EPM2A: variants seen among roughly 807,000 people sequenced by gnomAD.
EPM2A encodes EPM2A glucan phosphatase, laforin.
In EPM2A, 21 loss-of-function variants were observed where a neutral mutation model predicts 26.5. The ratio of observed to expected loss-of-function variants is 0.79; its 90% confidence interval spans 0.56 to 1.14. The LOEUF (loss-of-function observed/expected upper bound fraction) is 1.14, where lower values mean the gene tolerates loss of function less well. Among genes scored for constraint, EPM2A ranks in the 50% most tolerant of loss-of-function variants. The pLI is 0.00. For missense variants in EPM2A, 458 were observed against 440.8 expected, an observed-to-expected ratio of 1.04 and a Z score of -0.35; for synonymous variants, 217 against 177.6, an observed-to-expected ratio of 1.22 and a Z score of -1.76.
chr6:145,710,494 G>T (rs1775251842), intron 1 of EPM2A, among the ~76,000 whole-genome samples: 1 of 152,176 alleles, frequency 6.6e-6, no homozygotes, highest in Non-Finnish European at 1.5e-5. Flanking sequence ...AGGATGTAGA[G>T]AAATAGGAAC....
chr6:145,574,577 G>T (rs909642829), intron 2 of EPM2A, among the ~76,000 whole-genome samples: 1 of 152,154 alleles, frequency 6.6e-6, no homozygotes, highest in Non-Finnish European at 1.5e-5. Flanking sequence ...TTGGTCAAGG[G>T]TATATCTTCT....
intron 1 of EPM2A, among the ~76,000 whole-genome samples, chr6:145,687,348 C>G (rs1327754901): frequency 6.6e-6 from 1 of 151,648 alleles, no homozygotes; most frequent in Admixed American, 6.6e-5. Flanking sequence ...CAATCTTAGA[C>G]CCCCCAGCCT....
chr6:145,695,332 T>C (rs1351103820), intron 1 of EPM2A, among the ~76,000 whole-genome samples: 1 of 151,744 alleles, frequency 6.6e-6, no homozygotes, highest in Non-Finnish European at 1.5e-5. Flanking sequence ...TCAAGACATA[T>C]CACTACAGAA....
At chr6:145,544,270 CAA>C (rs769880573) in intron 2 of EPM2A, among the ~76,000 whole-genome samples, 2 of 152,146 alleles carry the variant, frequency 1.3e-5, no homozygotes, top group African/African-American at 2.4e-5. Context: ...TGGCAGAGGA[CAA>C]AGTCAGTGAA....
chr6:145,580,339 A>G (rs1781095241), intron 2 of EPM2A, among the ~76,000 whole-genome samples: 2 of 152,280 alleles, frequency 1.3e-5, no homozygotes, highest in South Asian at 4.1e-4. Flanking sequence ...TAAAATATTT[A>G]AAACCATAAA....
chr6:145,727,453 G>T (rs777507046), intron 1 of EPM2A, among the ~76,000 whole-genome samples: 21 of 152,076 alleles, frequency 1.4e-4, no homozygotes, highest in Non-Finnish European at 2.1e-4. Context: ...CAGTGTTGTT[G>T]TGAGGACAAA....
intron 2 of EPM2A, among the ~76,000 whole-genome samples, chr6:145,533,757 C>T (rs1780393850): frequency 6.6e-6 from 1 of 152,146 alleles, no homozygotes; most frequent in Non-Finnish European, 1.5e-5. Context: ...CTCCACCTCT[C>T]CCCCACCAAT....
At chr6:145,496,091 T>G (rs1779816752) in intron 4 of EPM2A, among the ~76,000 whole-genome samples, 2 of 152,238 alleles carry the variant, frequency 1.3e-5, no homozygotes, top group Non-Finnish European at 2.9e-5. Context: ...AAATTCTCAG[T>G]TGGTACTTCT....
chr6:145,627,059 G>T lies in EPM2A; in HGVS notation c.*357C>A. 8.5e-7 allele frequency: 1 copy of T among 1,177,554 alleles called. No homozygotes were observed. The highest frequency in any genetic ancestry group is 1.1e-6 in the Non-Finnish European group (1 of 943,960). The allele number at this position is 1,177,554 out of a possible 1,614,324, so 72.9% of individuals were successfully genotyped here. On this transcript the variant is annotated 3_prime_UTR_variant, in exon 4 of 4. Coordinates refer to ENST00000367519, the MANE Select transcript of EPM2A (RefSeq NM_005670.4). Reference sequence around the variant, plus strand: ...TTCCTCTACATGGCCAAGAGTTTCAGTGCAACAGGAAAGTGCTGTCACGGA... The same window carrying T: ...TTCCTCTACATGGCCAAGAGTTTCATTGCAACAGGAAAGTGCTGTCACGGA...
At chr6:145,604,003 T>C (rs1353737659) in intron 2 of EPM2A, among the ~76,000 whole-genome samples, 1 of 152,176 alleles carries the variant, frequency 6.6e-6, no homozygotes, top group Non-Finnish European at 1.5e-5. Flanking sequence ...TCTTAAACAA[T>C]TTAAATGAAA....
chr6:145,708,982 G>A (rs1378005674), intron 1 of EPM2A, among the ~76,000 whole-genome samples: 1 of 152,192 alleles, frequency 6.6e-6, no homozygotes. Flanking sequence ...TTTAATGACT[G>A]TCCTATTGGT....
chr6:145,660,831 A>C (rs1778647282), intron 2 of EPM2A, among the ~76,000 whole-genome samples: 1 of 152,182 alleles, frequency 6.6e-6, no homozygotes, highest in Non-Finnish European at 1.5e-5. Context: ...TTTTTTAAAA[A>C]ATTGCTGAAT....
intron 2 of EPM2A, among the ~76,000 whole-genome samples, chr6:145,554,619 G>A (rs759930773): frequency 1.4e-4 from 22 of 152,008 alleles, no homozygotes; most frequent in Non-Finnish European, 2.5e-4. Flanking sequence ...CCAATACAAA[G>A]CAGCCAGTTC....
At chr6:145,631,056 AC>A (rs1776215347) in intron 3 of EPM2A, 1 of 152,188 alleles carries the variant, frequency 6.6e-6, no homozygotes, top group Non-Finnish European at 1.5e-5. Flanking sequence ...GCACTCACTT[AC>A]CAGCCCATGC....
downstream of EPM2A, among the ~76,000 whole-genome samples, chr6:145,497,785 T>C (rs1779840057): frequency 1.3e-5 from 2 of 152,240 alleles, no homozygotes; most frequent in African/African-American, 4.8e-5. Context: ...TGAGGGGGAA[T>C]AGATCAGAGA....
At chr6:145,446,748 C>T (rs1321247486) in intron 4 of EPM2A, among the ~76,000 whole-genome samples, 1 of 151,970 alleles carries the variant, frequency 6.6e-6, no homozygotes, top group Non-Finnish European at 1.5e-5. Context: ...AATCGTCCCA[C>T]ACATGCATAA....
chr6:145,577,700 C>A (rs995224570), intron 2 of EPM2A, among the ~76,000 whole-genome samples: 1 of 151,886 alleles, frequency 6.6e-6, no homozygotes, highest in Non-Finnish European at 1.5e-5. Context: ...GCCAAGTGGA[C>A]CTAAAAGACA....
intron 2 of EPM2A, among the ~76,000 whole-genome samples, chr6:145,563,488 G>A (rs1348485727): frequency 6.6e-6 from 1 of 151,870 alleles, no homozygotes; most frequent in Non-Finnish European, 1.5e-5. Flanking sequence ...AGAGCATGCA[G>A]GGCTCACTGA....
chr6:145,492,033 G>T (rs571469863), intron 4 of EPM2A: 4 of 341,166 alleles, frequency 1.2e-5, no homozygotes, highest in Non-Finnish European at 2.3e-5. Flanking sequence ...GTCAGTCGAG[G>T]ATCATCTGAT....
Sources: allele counts gnomAD v4.1 joint callset (sites outside exome capture counted in the v4.1 genomes callset), GRCh38; gene constraint gnomAD v4.1.1; transcripts MANE v1.5; gene names NCBI Gene and HGNC (gene_info 2026-07-23, HGNC 2026-07-21).